Variants in DLGAP4 observed in about 807,000 individuals in gnomAD.
DLGAP4 encodes DLG associated protein 4.
A neutral mutation model predicts 86.9 loss-of-function variants in DLGAP4; 18 were observed. The observed-to-expected ratio is 0.21, with a 90% CI of 0.14 to 0.31. The LOEUF (loss-of-function observed/expected upper bound fraction) is 0.31. DLGAP4 is among the 10% of genes least tolerant of loss of function. The pLI is 1.00. For synonymous variants in DLGAP4, 548 were observed against 574.3 expected (o/e 0.95, Z 0.65); for missense variants, 1,085 against 1,362.6 (o/e 0.80, Z 3.21).
At chr20:36,331,554 G>A (rs534582076) in intron 1 of DLGAP4, among the ~76,000 whole-genome samples, 135 of 152,332 alleles carry the variant, frequency 8.9e-4, no homozygotes, top group Non-Finnish European at 1.5e-3. Context: ...CTGTCTCTGG[G>A]GAGAGGGGCC....
intron 2 of DLGAP4, among the ~76,000 whole-genome samples, chr20:36,370,950 T>C (rs1465222461): frequency 6.6e-6 from 1 of 152,256 alleles, no homozygotes; most frequent in Non-Finnish European, 1.5e-5. Context: ...TATTTTGTGC[T>C]AAGCACATTT....
At chr20:36,444,988 G>A (rs2147574149) in intron 6 of DLGAP4, among the ~76,000 whole-genome samples, 1 of 151,990 alleles carries the variant, frequency 6.6e-6, no homozygotes, top group African/African-American at 2.4e-5. Context: ...ACAGGATCTT[G>A]CTTTGTCCCC....
chr20:36,497,527 A>G lies in DLGAP4; in HGVS notation c.2010+461A>G, dbSNP rs115106566. 5,767 of 994,734 alleles carry G rather than the reference A, an allele frequency of 5.8e-3. 289 individuals are homozygous for G. The African/African-American group carries it at 0.093, about 16-fold the overall frequency. The allele number at this position is 994,734 out of a possible 1,614,324, so 61.6% of individuals were successfully genotyped here. A position where few individuals can be genotyped will look rare whatever the true frequency, so the allele number is the denominator to read the frequency against. ...ATAGACGCTGTTGGGCCAGGGGCCC[A>G]GGACCCAGGGCCCTTGAGCCATGGG... On this transcript the variant is annotated intron_variant, in intron 8 of 12. Transcript: ENST00000339266.
rs181475347 is a variant in DLGAP4, at chr20:36,382,809, C to T, written c.-73+15534C>T. 1.2e-4 allele frequency among the ~76,000 whole-genome samples: 18 copies of T among 152,112 alleles called. No individual in the cohort carries two copies. In the East Asian group the frequency reaches 2.7e-3, roughly 23 times the overall value. ...CCTCCCAGAGTGCTGGGATTACAGG[C>T]GTGAGCCACCATGCCTGGCTGGCTT... On this transcript the variant is annotated intron_variant, in intron 2 of 12. Transcript: ENST00000339266.
intron 10 of DLGAP4, among the ~76,000 whole-genome samples, chr20:36,514,146 GAAC>G (rs1396785742): frequency 5.0e-5 from 6 of 119,590 alleles, no homozygotes; most frequent in African/African-American, 2.0e-4. Flanking sequence ...GAAGCCACCT[GAAC>G]AACGTTCTCA....
At chr20:36,322,049 G>A (rs2065173947) in intron 1 of DLGAP4, among the ~76,000 whole-genome samples, 1 of 152,188 alleles carries the variant, frequency 6.6e-6, no homozygotes, top group Admixed American at 6.5e-5. Flanking sequence ...CAAAAAGCAG[G>A]TAAAACAGTG....
intron 7 of DLGAP4, among the ~76,000 whole-genome samples, chr20:36,478,865 A>T (rs766325285): frequency 1.6e-4 from 24 of 152,094 alleles, no homozygotes; most frequent in Non-Finnish European, 3.4e-4. Context: ...GATGATGAAA[A>T]CATCTCCTTG....
chr20:36,389,064 C>T (rs576569667), intron 2 of DLGAP4, among the ~76,000 whole-genome samples: 2 of 152,084 alleles, frequency 1.3e-5, no homozygotes, highest in Non-Finnish European at 2.9e-5. Flanking sequence ...AGGAGAAGAC[C>T]GGGAAGAGCA....
intron 1 of DLGAP4, among the ~76,000 whole-genome samples, chr20:36,316,338 C>T (rs1394216048): frequency 1.3e-5 from 2 of 152,166 alleles, no homozygotes; most frequent in Non-Finnish European, 2.9e-5. Context: ...CCATCACACC[C>T]CACCCGCAGC....
At chr20:36,497,696 C>T (rs2035948230) in intron 8 of DLGAP4, 1 of 972,346 alleles carries the variant, frequency 1.0e-6, no homozygotes, top group South Asian at 4.8e-5. Context: ...GCGATGGTTC[C>T]CCAGGGTTAG....
intron 2 of DLGAP4, among the ~76,000 whole-genome samples, chr20:36,402,851 C>G (rs2032203393): frequency 6.6e-6 from 1 of 152,202 alleles, no homozygotes; most frequent in Non-Finnish European, 1.5e-5. Context: ...GCAACATACT[C>G]AAAGTTCACA....
At chr20:36,519,434 G>A (rs541598130) in intron 10 of DLGAP4, among the ~76,000 whole-genome samples, 48 of 152,210 alleles carry the variant, frequency 3.2e-4, no homozygotes, top group African/African-American at 1.1e-3. Context: ...GTCTGTGTGC[G>A]TGCGTGTGCG....
chr20:36,482,910 G>A (rs2035253407), intron 7 of DLGAP4, among the ~76,000 whole-genome samples: 1 of 152,132 alleles, frequency 6.6e-6, no homozygotes, highest in Non-Finnish European at 1.5e-5. Context: ...GACCTCAAGT[G>A]ATCCCCCTGC....
At chr20:36,424,555 A>G (rs962291290) in intron 2 of DLGAP4, among the ~76,000 whole-genome samples, 1 of 152,120 alleles carries the variant, frequency 6.6e-6, no homozygotes, top group Non-Finnish European at 1.5e-5. Context: ...TCAGCAGCCA[A>G]TGCTCTTGGC....
intron 2 of DLGAP4, among the ~76,000 whole-genome samples, chr20:36,410,814 A>G (rs988990195): frequency 1.3e-5 from 2 of 152,088 alleles, no homozygotes; most frequent in African/African-American, 4.8e-5. Context: ...CCATTCCAAC[A>G]TGAGATTTGC....
At chr20:36,326,166 C>T (rs544505874) in intron 1 of DLGAP4, among the ~76,000 whole-genome samples, 24 of 152,252 alleles carry the variant, frequency 1.6e-4, no homozygotes, top group African/African-American at 5.5e-4. Flanking sequence ...TGTCAACATA[C>T]CAAAATTTGC....
chr20:36,404,609 T>G (rs1331906682), intron 2 of DLGAP4, among the ~76,000 whole-genome samples: 1 of 151,610 alleles, frequency 6.6e-6, no homozygotes, highest in African/African-American at 2.4e-5. Context: ...AATGAGGGGG[T>G]GGAATGGAAT....
intron 2 of DLGAP4, among the ~76,000 whole-genome samples, chr20:36,418,409 G>A (rs914599874): frequency 6.6e-6 from 1 of 152,200 alleles, no homozygotes; most frequent in African/African-American, 2.4e-5. Flanking sequence ...CACCGTGCCT[G>A]GCCCATTTGG....
At chr20:36,468,962 G>A (rs1263344481) in intron 7 of DLGAP4, among the ~76,000 whole-genome samples, 2 of 152,078 alleles carry the variant, frequency 1.3e-5, no homozygotes, top group Non-Finnish European at 2.9e-5. Flanking sequence ...TCAGCACGTT[G>A]GTTCTGGATC....
Sources: allele counts gnomAD v4.1 joint callset (sites outside exome capture counted in the v4.1 genomes callset), GRCh38; gene constraint gnomAD v4.1.1; transcripts MANE v1.5; gene names NCBI Gene and HGNC (gene_info 2026-07-23, HGNC 2026-07-21).